ESYT2: variants seen among roughly 807,000 people sequenced by gnomAD.
ESYT2 encodes extended synaptotagmin 2.
Under a neutral mutation model 107.2 loss-of-function variants are expected in ESYT2, and 54 were observed. The ratio of observed to expected loss-of-function variants is 0.50; its 90% CI spans 0.40 to 0.63. The LOEUF (loss-of-function observed/expected upper bound fraction) is 0.63. ESYT2 is among the 30% of genes least tolerant of loss of function. The pLI, the probability that ESYT2 is intolerant of heterozygous loss-of-function variation, is 0.00. For missense variants in ESYT2, 1,020 were observed against 1,094.5 expected (o/e 0.93, Z 0.96); for synonymous variants, 491 against 434.1 (o/e 1.13, Z -1.63).
chr7:158,748,902 A>G (rs1422269841), intron 15 of ESYT2, among the ~76,000 whole-genome samples: 2 of 150,494 alleles, frequency 1.3e-5, no homozygotes, highest in African/African-American at 2.4e-5. Flanking sequence ...TTTCTCCTGT[A>G]AGGAAAGTAG....
chr7:158,757,661 C>T (rs985303184), intron 13 of ESYT2, among the ~76,000 whole-genome samples: 7 of 152,208 alleles, frequency 4.6e-5, no homozygotes, highest in Middle Eastern at 3.2e-3. Context: ...CCAGGCACCC[C>T]GCGGCTCTGC....
At position 158,797,870 on chromosome 7, in the gene ESYT2, G is replaced by GAA. The variant is rs1461899396; in HGVS notation, c.507+70_507+71dup. The GAA allele has an allele frequency of 1.2e-5, 14 of 1,208,658 alleles. No homozygotes were observed. The African/African-American group carries it at 2.0e-4, about 17-fold the overall frequency. The allele number at this position is 1,208,658 out of a possible 1,614,324, so 74.9% of individuals were successfully genotyped here. A position where few individuals can be genotyped will look rare whatever the true frequency, so the allele number is the denominator to read the frequency against. On this transcript the variant is annotated intron_variant, in intron 3 of 22. Transcript: ENST00000275418. ...CTCCGTCTCAAGAAAAAAAAAAAAA[G>GAA]AAAATGTGTTGTTTTGTGTTTTCAC...
chr7:158,803,036 G>C (rs543009553), intron 1 of ESYT2, among the ~76,000 whole-genome samples: 1 of 152,368 alleles, frequency 6.6e-6, no homozygotes, highest in South Asian at 2.1e-4. Context: ...TGGTTGCAAG[G>C]AAGAATTCTT....
In ESYT2 at chr7:158,789,286, T is replaced by C. The variant is rs538832551; in HGVS notation, c.585-869A>G. ...TGAGAATTACTCTCTACCTAGTTGG[T>C]AAAATCACCACTAACCTGTTGCGAA... is the stretch of plus-strand genomic sequence containing the variant. On this transcript the variant is annotated intron_variant, in intron 4 of 22. Coordinates refer to ENST00000275418, the MANE Select transcript of ESYT2 (RefSeq NM_001367773.1). Among the ~76,000 whole-genome samples the C allele has an allele frequency of 2.0e-5, 3 of 152,352 alleles. No individual in the cohort carries two copies. The East Asian group carries it at 5.8e-4, about 29-fold the overall frequency.
At chr7:158,755,960 A>G (rs765599816) in intron 13 of ESYT2, among the ~76,000 whole-genome samples, 9 of 152,224 alleles carry the variant, frequency 5.9e-5, no homozygotes, top group Non-Finnish European at 1.3e-4. Flanking sequence ...GCACATGTAT[A>G]CCTATGTAAC....
At chr7:158,734,750 T>C (rs1836860959) in intron 21 of ESYT2, among the ~76,000 whole-genome samples, 1 of 152,242 alleles carries the variant, frequency 6.6e-6, no homozygotes, top group Non-Finnish European at 1.5e-5. Flanking sequence ...ATCGCGCCAC[T>C]GGACTTCAGC....
At chr7:158,802,390 A>C (rs796764402) in intron 1 of ESYT2, among the ~76,000 whole-genome samples, 9 of 152,182 alleles carry the variant, frequency 5.9e-5, no homozygotes, top group African/African-American at 2.2e-4. Flanking sequence ...GGGTTCAAGC[A>C]ATTCTCCTGC....
chr7:158,748,073 A>C, intron 16 of ESYT2, 121 bp downstream of exon 16: 1 of 844,172 alleles, frequency 1.2e-6, no homozygotes, highest in Non-Finnish European at 1.9e-6. Flanking sequence ...GAGATCTACC[A>C]ATTGTCCTGA....
chr7:158,759,064 A>G (rs969444014), intron 13 of ESYT2, among the ~76,000 whole-genome samples: 37 of 152,260 alleles, frequency 2.4e-4, no homozygotes, highest in Admixed American at 7.8e-4. Context: ...CTGATGCCCC[A>G]CGGATCGCCA....
At chr7:158,770,785 G>C (rs892689596) in intron 7 of ESYT2, among the ~76,000 whole-genome samples, 2 of 152,136 alleles carry the variant, frequency 1.3e-5, no homozygotes, top group African/African-American at 4.8e-5. Flanking sequence ...AAAGTGCTGG[G>C]ATTACAGGCG....
rs201031042 is a variant in ESYT2 at position 158,736,004 on chromosome 7, A to AT, written c.2400-397dup. The stretch of plus-strand genomic sequence containing the variant: ...CAGTCTGGTTTAGTCTTCAGGCCCT[A>AT]TTCCCACCATCTCCAATAAAAAAAA... On this transcript the variant is annotated intron_variant, in intron 20 of 22. Coordinates refer to ENST00000275418, the MANE Select transcript of ESYT2 (RefSeq NM_001367773.1). Among the ~76,000 whole-genome samples, 1,027 of 152,284 alleles carry AT rather than the reference A, an allele frequency of 6.7e-3. 16 individuals are homozygous for AT. The highest frequency in any genetic ancestry group is 0.024 in the African/African-American group (981 of 41,564).
intron 8 of ESYT2, among the ~76,000 whole-genome samples, chr7:158,765,321 T>C (rs192152085): frequency 6.8e-4 from 104 of 152,360 alleles, no homozygotes; most frequent in African/African-American, 2.3e-3. Flanking sequence ...TCACGAAGCA[T>C]TAGACATGTA....
At chr7:158,739,885 T>TA (rs1367816477) in intron 18 of ESYT2, among the ~76,000 whole-genome samples, 3 of 151,946 alleles carry the variant, frequency 2.0e-5, no homozygotes, top group Non-Finnish European at 4.4e-5. Flanking sequence ...CTTGCGGCAG[T>TA]AAGATACCAA....
In ESYT2 at chr7:158,741,789, A is replaced by G. The variant is rs781353938; in HGVS notation, c.1902T>C (p.His634=). 9.9e-6 allele frequency: 16 copies of G among 1,614,028 alleles called. No individual in the cohort carries two copies. The highest frequency in any genetic ancestry group is 1.6e-4 in the Middle Eastern group (1 of 6,062). ...KEGRKTSIKS[H]MSGSPGPGGS... is the part of the protein sequence containing the mutation. ...CACCAGGGCCTGGAGACCCAGACAT[A>G]TGAGATTTGATGGATGTTTTCCTCC... Residue 634 remains histidine (H), a synonymous_variant, in exon 18 of 23, where the codon CAT becomes CAC. Transcript: ENST00000275418.
intron 1 of ESYT2, among the ~76,000 whole-genome samples, chr7:158,815,280 T>C (rs1840119944): frequency 6.6e-6 from 1 of 152,188 alleles, no homozygotes; most frequent in South Asian, 2.1e-4. Flanking sequence ...CTGAGTCCTC[T>C]TGGAACTTCC....
chr7:158,829,275 C>G lies in ESYT2; in HGVS notation c.144G>C (p.Leu48=), dbSNP rs1455232444. The change falls in exon 1 of 23, where the codon CTG becomes CTC. Residue 48 remains leucine, a synonymous_variant. Transcript: ENST00000275418. ...AQLARSFALL[L]PVYALGYLGL... ...CCAGGTAGCCCAGCGCGTACACGGG[C>G]AGCAGCAGCGCGAAGCTCCGCGCCA... 11 of 1,520,040 alleles carry G rather than the reference C, an allele frequency of 7.2e-6. No individual in the cohort carries two copies. The South Asian group carries it at 1.3e-4, about 18-fold the overall frequency. 94.2% of individuals were successfully genotyped at this position (1,520,040 alleles called of 1,614,324 possible). A position where few individuals can be genotyped will look rare whatever the true frequency, so the allele number is the denominator to read the frequency against.
At chr7:158,800,729 C>CTTTTTT (rs749928921) in intron 1 of ESYT2, among the ~76,000 whole-genome samples, 1 of 118,520 alleles carries the variant, frequency 8.4e-6, no homozygotes, top group East Asian at 2.6e-4. Flanking sequence ...TTTTTCTTTT[C>CTTTTTT]TTTTCTTTTT....
chr7:158,808,299 G>A (rs536107531), intron 1 of ESYT2, among the ~76,000 whole-genome samples: 6 of 152,358 alleles, frequency 3.9e-5, no homozygotes, highest in Admixed American at 1.3e-4. Context: ...TGTCCAGCTC[G>A]AGACACGAGC....
At chr7:158,735,452 G>T in intron 21 of ESYT2, 51 bp downstream of exon 21, 2 of 1,514,102 alleles carry the variant, frequency 1.3e-6, no homozygotes, top group Non-Finnish European at 1.8e-6. Context: ...GCAGGTAAAT[G>T]TTCAATTTTA....
Sources: gnomAD v4.1 joint callset for allele counts (sites outside exome capture counted in the v4.1 genomes callset) on GRCh38, gnomAD v4.1.1 for gene constraint, MANE v1.5 for transcripts, NCBI Gene and HGNC (gene_info 2026-07-23, HGNC 2026-07-21) for gene names.